The following HSPA4 variants were observed in gnomAD, a reference collection of about 807,000 sequenced individuals.
The protein encoded by HSPA4 is heat shock protein family A (Hsp70) member 4, also known as heat shock 70 kDa protein 4.
A neutral mutation model predicts 106.2 loss-of-function variants in HSPA4; 25 were observed. The observed-to-expected ratio is 0.24, with a 90% confidence interval of 0.17 to 0.33. The LOEUF (loss-of-function observed/expected upper bound fraction) is 0.33, where lower values mean the gene tolerates loss of function less well. Ranked by LOEUF, HSPA4 falls within the 10% of genes least tolerant of loss-of-function variation. HSPA4 has a pLI of 1.00. For synonymous variants in HSPA4, 332 were observed against 333.6 expected, an observed-to-expected ratio of 1.00 and a Z score of 0.05; for missense variants, 841 against 996.0, an observed-to-expected ratio of 0.84 and a Z score of 2.10.
chr5:133,092,614 A>G (rs1765659570), intron 12 of HSPA4, 86 bp from the exon 13 acceptor site: 2 of 891,244 alleles, frequency 2.2e-6, no homozygotes, highest in Non-Finnish European at 3.7e-6. Context: ...TTCAGCAGGA[A>G]TTACATAACT....
intron 17 of HSPA4, among the ~76,000 whole-genome samples, chr5:133,102,105 T>TTAG (rs1183347831): frequency 6.6e-6 from 1 of 152,036 alleles, no homozygotes; most frequent in Non-Finnish European, 1.5e-5. Flanking sequence ...TTTTGTATTT[T>TTAG]TAGTAGAGAT....
At position 133,070,436 on chromosome 5, in the gene HSPA4, C is replaced by G; in HGVS notation, c.369C>G (p.Ser123=). 1 of 1,612,110 alleles carries G rather than the reference C, an allele frequency of 6.2e-7. No individual in the cohort carries two copies. The highest frequency in any genetic ancestry group is 1.1e-5 in the South Asian group (1 of 90,718). The change falls in exon 4 of 19, where the codon TCC becomes TCG. Residue 123 remains serine, a synonymous_variant. Transcript: ENST00000304858. ...TTEQVTAMLL[S]KLKETAESVL... is the part of the protein sequence containing the mutation. ...AGCAAGTGACTGCCATGCTTTTGTC[C>G]AAACTGAAGGAGACAGCCGAAAGTG...
intron 1 of HSPA4, among the ~76,000 whole-genome samples, chr5:133,054,990 C>T (rs1765141209): frequency 6.6e-6 from 1 of 152,146 alleles, no homozygotes; most frequent in Non-Finnish European, 1.5e-5. Context: ...ATCACATGCT[C>T]CTGTTTTTCT....
chr5:133,105,807 A>G lies in HSPA4; in HGVS notation c.*1371A>G, dbSNP rs192747694. Reference sequence around the variant, plus strand: ...ATTAAGCGTTTGTCCATCTCTAGATAACATTGAAAAGTTTGAGTGTTACAG... The same window carrying G: ...ATTAAGCGTTTGTCCATCTCTAGATGACATTGAAAAGTTTGAGTGTTACAG... On this transcript the variant is annotated 3_prime_UTR_variant, in exon 19 of 19. Coordinates refer to ENST00000304858, the MANE Select transcript of HSPA4 (RefSeq NM_002154.4). The G allele has an allele frequency of 3.3e-5, 5 of 152,294 alleles. No homozygotes were observed. Among genetic ancestry groups the G allele is most frequent in the Admixed American group, 3.3e-4 (5 of 15,298 alleles). 9.4% of individuals were successfully genotyped at this position (152,294 alleles called of 1,614,324 possible).
rs547673460 is a variant in HSPA4, at chr5:133,104,731, T to C, written c.*295T>C. The C allele has an allele frequency of 3.4e-6, 1 of 289,960 alleles. No homozygotes were observed. The highest frequency in any genetic ancestry group is 2.2e-5 in the African/African-American group (1 of 44,902). The allele number at this position is 289,960 out of a possible 1,614,324, so 18.0% of individuals were successfully genotyped here. A position where few individuals can be genotyped will look rare whatever the true frequency, so the allele number is the denominator to read the frequency against. On this transcript the variant is annotated 3_prime_UTR_variant, in exon 19 of 19. Transcript: ENST00000304858. The stretch of plus-strand genomic sequence containing the variant: ...CCATGTGTCTACAAGAATAAGTTTG[T>C]TTTGGAAAGTTGAGCTATAGCTACA...
chr5:133,076,569 A>G (rs1435709667), intron 6 of HSPA4, 85 bp from the exon 7 acceptor site: 1 of 1,212,342 alleles, frequency 8.2e-7, no homozygotes. Flanking sequence ...TTTTTTTTAG[A>G]TAAACAACTT....
intron 1 of HSPA4, among the ~76,000 whole-genome samples, chr5:133,053,355 GAGAC>G (rs545019384): frequency 0.017 from 743 of 42,980 alleles, 3 homozygotes; most frequent in Non-Finnish European, 0.031. Flanking sequence ...TTTCTTTTTT[GAGAC>G]AGACAGGGTC....
chr5:133,091,462 G>A lies in HSPA4; in HGVS notation c.1560+88G>A, dbSNP rs147828833. 10 of 972,064 alleles carry A rather than the reference G, an allele frequency of 1.0e-5. No homozygotes were observed. The African/African-American group carries it at 1.5e-4, about 14-fold the overall frequency. The allele number at this position is 972,064 out of a possible 1,614,324, so 60.2% of individuals were successfully genotyped here. A position where few individuals can be genotyped will look rare whatever the true frequency, so the allele number is the denominator to read the frequency against. ...AAGCAGACTTGGTGGCAAGGCCGGA[G>A]CATTGTGACAGAGCTGCTGAGTGAG... is the stretch of plus-strand genomic sequence containing the variant. On this transcript the variant is annotated intron_variant, in intron 12 of 18. Coordinates refer to ENST00000304858, the MANE Select transcript of HSPA4 (RefSeq NM_002154.4).
Position 133,079,875 on chromosome 5 carries a change from A to G in HSPA4, c.908+2977A>G, listed in dbSNP as rs1248659888. On this transcript the variant is annotated intron_variant, in intron 7 of 18. Coordinates refer to ENST00000304858, the MANE Select transcript of HSPA4 (RefSeq NM_002154.4). Reference sequence around the variant, plus strand: ...CTCCTGCAGATTCCTAAGGGATAGCACATGTGAATAGTGTTCCTTAAGTTC... The same window carrying G: ...CTCCTGCAGATTCCTAAGGGATAGCGCATGTGAATAGTGTTCCTTAAGTTC... 3.9e-5 allele frequency among the ~76,000 whole-genome samples: 6 copies of G among 152,340 alleles called. No individual in the cohort carries two copies. In the East Asian group the frequency reaches 9.6e-4, roughly 24 times the overall value.
At chr5:133,082,404 G>A (rs1029782706) in intron 7 of HSPA4, among the ~76,000 whole-genome samples, 4 of 152,070 alleles carry the variant, frequency 2.6e-5, no homozygotes, top group South Asian at 4.1e-4. Flanking sequence ...AAATATTTTT[G>A]TACCAAAACC....
At chr5:133,077,777 T>C (rs1331222180) in intron 7 of HSPA4, among the ~76,000 whole-genome samples, 3 of 152,080 alleles carry the variant, frequency 2.0e-5, no homozygotes, top group African/African-American at 7.2e-5. Flanking sequence ...GCCTGAGCTA[T>C]CCGTAAAAAA....
intron 6 of HSPA4, among the ~76,000 whole-genome samples, chr5:133,075,133 G>C (rs560769969): frequency 1.3e-5 from 2 of 152,184 alleles, no homozygotes; most frequent in East Asian, 3.9e-4. Flanking sequence ...ATTGTTTCTA[G>C]GTGGTTTTGT....
chr5:133,078,490 C>A (rs1765473429), intron 7 of HSPA4, among the ~76,000 whole-genome samples: 1 of 151,620 alleles, frequency 6.6e-6, no homozygotes, highest in African/African-American at 2.4e-5. Flanking sequence ...CAAAAACTAG[C>A]TGGGTGTGGT....
rs1765660871 is a variant in HSPA4 at position 133,092,726 on chromosome 5, A to G, written c.1587A>G (p.Pro529=). Residue 529 remains proline, a synonymous_variant, in exon 13 of 19, where the codon CCA becomes CCG. Coordinates refer to ENST00000304858, the MANE Select transcript of HSPA4 (RefSeq NM_002154.4). ...AGATGCAAGTGGACCAGGAGGAACC[A>G]CATGTTGAAGAGCAACAGCAGCAGA... is the stretch of plus-strand genomic sequence containing the variant. The part of the protein sequence containing the change: ...EEKMQVDQEE[P]HVEEQQQQTP... The G allele has an allele frequency of 6.2e-7, 1 of 1,612,918 alleles. No individual in the cohort carries two copies. Among genetic ancestry groups the G allele is most frequent in the Non-Finnish European group, 8.5e-7 (1 of 1,179,468 alleles).
chr5:133,074,175 T>C (rs62375235), intron 6 of HSPA4, 49 bp downstream of exon 6: 9 of 1,292,534 alleles, frequency 7.0e-6, no homozygotes, highest in Non-Finnish European at 9.6e-6. Flanking sequence ...ATGGTAATTA[T>C]GAAATTTTGA....
chr5:133,073,754 G>A (rs1302182839), intron 5 of HSPA4, among the ~76,000 whole-genome samples: 1 of 152,136 alleles, frequency 6.6e-6, no homozygotes, highest in African/African-American at 2.4e-5. Flanking sequence ...GAAATGGCTT[G>A]GAGAAAATTA....
chr5:133,104,481 A>T lies in HSPA4; in HGVS notation c.*45A>T. The T allele has an allele frequency of 6.5e-7, 1 of 1,538,696 alleles. No homozygotes were observed. Among genetic ancestry groups the T allele is most frequent in the South Asian group, 1.1e-5 (1 of 87,156 alleles). Reference sequence around the variant, plus strand: ...TAAAACAGACTATTATAAAGCTTTAAGTTGTCAACTTTGTTCTAAATATCA... The same window carrying T: ...TAAAACAGACTATTATAAAGCTTTATGTTGTCAACTTTGTTCTAAATATCA... On this transcript the variant is annotated 3_prime_UTR_variant, in exon 19 of 19. Transcript: ENST00000304858.
At chr5:133,097,122 T>G in intron 14 of HSPA4, 39 bp from the exon 15 acceptor site, 1 of 1,528,636 alleles carries the variant, frequency 6.5e-7, no homozygotes, top group Non-Finnish European at 9.0e-7. Context: ...GGAAATTAGT[T>G]GTCCTAATGT....
chr5:133,075,211 G>C (rs187119486), intron 6 of HSPA4, among the ~76,000 whole-genome samples: 120 of 152,246 alleles, frequency 7.9e-4, no homozygotes, highest in Non-Finnish European at 3.4e-4. Context: ...TTTGCTTTTT[G>C]ACAGCTATAA....
Sources: allele counts gnomAD v4.1 joint callset (sites outside exome capture counted in the v4.1 genomes callset), GRCh38; gene constraint gnomAD v4.1.1; transcripts MANE v1.5; gene names NCBI Gene and HGNC (gene_info 2026-07-23, HGNC 2026-07-21).